Variants in ERC2 observed in about 807,000 individuals in gnomAD.
ERC2 encodes the protein ELKS/RAB6-interacting/CAST family member 2.
A neutral mutation model predicts 114.8 loss-of-function variants in ERC2; 42 were observed. The observed-to-expected ratio is 0.37, with a 90% CI of 0.29 to 0.47. ERC2 has a LOEUF of 0.47. Among genes scored for constraint, ERC2 ranks in the 20% least tolerant of loss-of-function variants. The pLI, the probability that ERC2 is intolerant of heterozygous loss-of-function variation, is 0.99. For missense variants in ERC2, 939 were observed against 1,150.7 expected (o/e 0.82, Z 2.66); for synonymous variants, 454 against 425.5 (o/e 1.07, Z -0.82).
chr3:56,148,842 A>C, intron 5 of ERC2, 135 bp downstream of exon 5: 1 of 765,914 alleles, frequency 1.3e-6, no homozygotes, highest in Admixed American at 2.9e-5. Flanking sequence ...AATCTTCCGC[A>C]TTCTACTTTG....
intron 2 of ERC2, among the ~76,000 whole-genome samples, chr3:56,428,460 G>A (rs2061659209): frequency 6.7e-6 from 1 of 148,196 alleles, no homozygotes; most frequent in Non-Finnish European, 1.5e-5. Context: ...GGTAGAGGTT[G>A]CAGTGAACCG....
intron 17 of ERC2, among the ~76,000 whole-genome samples, chr3:55,569,940 C>T (rs1000337351): frequency 6.6e-6 from 1 of 151,036 alleles, no homozygotes; most frequent in Non-Finnish European, 1.5e-5. Context: ...TCACTGCAAC[C>T]TCCACCTCCC....
At chr3:56,137,379 T>C (rs2080571222) in intron 6 of ERC2, among the ~76,000 whole-genome samples, 2 of 152,024 alleles carry the variant, frequency 1.3e-5, no homozygotes. Context: ...GAAAAATGAA[T>C]GCTCTAGAAC....
intron 5 of ERC2, among the ~76,000 whole-genome samples, chr3:56,142,476 T>C (rs893913420): frequency 6.6e-6 from 1 of 152,164 alleles, no homozygotes; most frequent in Admixed American, 6.6e-5. Context: ...ATTTCCTTCC[T>C]TCCACTTTCT....
chr3:56,029,301 A>G (rs1419065911), intron 7 of ERC2, among the ~76,000 whole-genome samples: 3 of 150,754 alleles, frequency 2.0e-5, no homozygotes, highest in Non-Finnish European at 2.9e-5. Flanking sequence ...TTTTAATTTG[A>G]TACTGTCTTT....
intron 2 of ERC2, among the ~76,000 whole-genome samples, chr3:56,342,510 A>T (rs1405409646): frequency 6.6e-6 from 1 of 152,186 alleles, no homozygotes; most frequent in African/African-American, 2.4e-5. Flanking sequence ...ATAACCACAG[A>T]CTTCTGAAGA....
intron 7 of ERC2, among the ~76,000 whole-genome samples, chr3:56,059,982 G>A (rs1409420625): frequency 6.6e-6 from 1 of 152,172 alleles, no homozygotes; most frequent in South Asian, 2.1e-4. Flanking sequence ...AAATGTGTCT[G>A]TTCTCTGAAT....
intron 3 of ERC2, among the ~76,000 whole-genome samples, chr3:56,267,456 G>C (rs2053386312): frequency 6.6e-6 from 1 of 152,074 alleles, no homozygotes; most frequent in South Asian, 2.1e-4. Flanking sequence ...GTTATGGCAG[G>C]AAGCGGGGAC....
intron 1 of ERC2, among the ~76,000 whole-genome samples, chr3:56,460,572 T>TATAAA (rs2063265819): frequency 6.6e-6 from 1 of 152,226 alleles, no homozygotes; most frequent in Non-Finnish European, 1.5e-5. Flanking sequence ...CCTAGCACAG[T>TATAAA]GCCTACCACA....
chr3:56,319,468 TA>T (rs376435827), intron 2 of ERC2, among the ~76,000 whole-genome samples: 11 of 152,118 alleles, frequency 7.2e-5, no homozygotes, highest in African/African-American at 2.4e-4. Flanking sequence ...TGTCAAGGGC[TA>T]GGGGGAGGAG....
chr3:56,285,036 C>T (rs370311302), intron 3 of ERC2, among the ~76,000 whole-genome samples: 40 of 134,466 alleles, frequency 3.0e-4, no homozygotes, highest in African/African-American at 1.1e-3. Flanking sequence ...CACACATACA[C>T]ACACACACAC....
chr3:56,329,566 AG>A (rs1284069002), intron 2 of ERC2, among the ~76,000 whole-genome samples: 1 of 152,220 alleles, frequency 6.6e-6, no homozygotes, highest in East Asian at 1.9e-4. Flanking sequence ...GCCTGGAGGA[AG>A]GGAAACATCC....
At chr3:55,635,366 G>A (rs924194325) in intron 17 of ERC2, among the ~76,000 whole-genome samples, 1 of 151,820 alleles carries the variant, frequency 6.6e-6, no homozygotes, top group Non-Finnish European at 1.5e-5. Context: ...ATCATTATGA[G>A]GGAAAACATT....
chr3:55,593,202 C>T (rs890794591), intron 17 of ERC2, among the ~76,000 whole-genome samples: 2 of 152,210 alleles, frequency 1.3e-5, no homozygotes, highest in African/African-American at 2.4e-5. Context: ...GGAGAAGACA[C>T]TGTGTTTTAG....
chr3:55,908,529 T>C (rs2064604719), intron 13 of ERC2, among the ~76,000 whole-genome samples: 2 of 152,070 alleles, frequency 1.3e-5, no homozygotes, highest in Non-Finnish European at 2.9e-5. Context: ...GGGAGAAGCC[T>C]TCCAGGGAGA....
At chr3:56,461,542 G>A (rs530326116) in intron 1 of ERC2, among the ~76,000 whole-genome samples, 6 of 152,186 alleles carry the variant, frequency 3.9e-5, no homozygotes. Context: ...TCCAACATAT[G>A]CCTGGAAGGA....
intron 13 of ERC2, among the ~76,000 whole-genome samples, chr3:55,897,257 G>A (rs184961081): frequency 3.9e-5 from 6 of 152,272 alleles, no homozygotes; most frequent in East Asian, 3.9e-4. Flanking sequence ...CCTGACGCGT[G>A]GCAGCTTCCC....
chr3:55,584,321 A>G (rs986638994), intron 17 of ERC2, among the ~76,000 whole-genome samples: 2 of 152,296 alleles, frequency 1.3e-5, no homozygotes, highest in East Asian at 1.9e-4. Flanking sequence ...TGGAGCTTTA[A>G]TAAGGACTTA....
intron 17 of ERC2, among the ~76,000 whole-genome samples, chr3:55,552,126 A>T (rs1262007960): frequency 6.6e-6 from 1 of 152,228 alleles, no homozygotes; most frequent in Non-Finnish European, 1.5e-5. Flanking sequence ...CTCAGAGTGC[A>T]GAGAGGAGGC....
Sources: allele counts gnomAD v4.1 joint callset (sites outside exome capture counted in the v4.1 genomes callset), GRCh38; gene constraint gnomAD v4.1.1; transcripts MANE v1.5; gene names NCBI Gene and HGNC (gene_info 2026-07-23, HGNC 2026-07-21).